Variants in PTPRM observed in about 807,000 individuals in gnomAD.
PTPRM encodes protein tyrosine phosphatase receptor type M, also known as receptor-type tyrosine-protein phosphatase mu.
PTPRM carries 47 observed loss-of-function variants against 186.7 expected under a neutral mutation model. The observed-to-expected ratio is 0.25, with a 90% CI of 0.20 to 0.32. The LOEUF (loss-of-function observed/expected upper bound fraction) is 0.32. Among genes scored for constraint, PTPRM ranks in the 10% least tolerant of loss-of-function variants. The probability of loss-of-function intolerance (pLI) is 1.00; values close to 1 mark genes in which losing one functional copy is unlikely to be tolerated. For synonymous variants in PTPRM, 668 were observed against 674.9 expected, an observed-to-expected ratio of 0.99 and a Z score of 0.16; for missense variants, 1,494 against 1,865.0, an observed-to-expected ratio of 0.80 and a Z score of 3.66.
chr18:8,242,755 G>A (rs2094443737), intron 14 of PTPRM, among the ~76,000 whole-genome samples: 1 of 152,202 alleles, frequency 6.6e-6, no homozygotes, highest in African/African-American at 2.4e-5. Flanking sequence ...TGGATTATGT[G>A]TCATTTAGAA....
chr18:8,371,202 A>G (rs2095660829), intron 24 of PTPRM, among the ~76,000 whole-genome samples, 196 bp downstream of exon 24: 1 of 152,128 alleles, frequency 6.6e-6, no homozygotes, highest in African/African-American at 2.4e-5. Context: ...AATCATTCTC[A>G]TTTCATAAGA....
At chr18:8,377,930 T>G (rs920616609) in intron 26 of PTPRM, 1 of 193,510 alleles carries the variant, frequency 5.2e-6, no homozygotes, top group Non-Finnish European at 1.0e-5. Flanking sequence ...ACTATTATTT[T>G]GACCAGCAAA....
At chr18:8,275,880 C>G (rs763927331) in intron 19 of PTPRM, among the ~76,000 whole-genome samples, 9 of 152,170 alleles carry the variant, frequency 5.9e-5, no homozygotes, top group Non-Finnish European at 8.8e-5. Flanking sequence ...TATTCACTTC[C>G]CTGTGCTTAG....
intron 14 of PTPRM, among the ~76,000 whole-genome samples, chr18:8,218,518 A>G (rs1449411336): frequency 2.0e-5 from 3 of 152,232 alleles, no homozygotes; most frequent in Non-Finnish European, 4.4e-5. Context: ...AGAGGCACTC[A>G]ATTAGTTTAT....
At chr18:8,243,948 G>C (rs1226117742) in intron 14 of PTPRM, 110 bp from the exon 15 acceptor site, 2 of 1,083,608 alleles carry the variant, frequency 1.8e-6, no homozygotes, top group Non-Finnish European at 2.6e-6. Flanking sequence ...ATCTCTGAAT[G>C]AATAGGATTA....
chr18:8,237,567 G>A lies in PTPRM; in HGVS notation c.2301-6491G>A, dbSNP rs537130997. On this transcript the variant is annotated intron_variant, in intron 14 of 32. Coordinates refer to ENST00000580170, the MANE Select transcript of PTPRM (RefSeq NM_001105244.2). ...GGGTTCAAGCGATTCTCCTGCCTCA[G>A]CCTTCTGAGTAGCTGAGATTACAAG... Among the ~76,000 whole-genome samples the A allele has an allele frequency of 5.3e-5, 8 of 149,754 alleles. No homozygotes were observed. The East Asian group carries it at 1.6e-3, about 30-fold the overall frequency.
At chr18:8,153,306 A>G (rs992432986) in intron 14 of PTPRM, among the ~76,000 whole-genome samples, 5 of 152,178 alleles carry the variant, frequency 3.3e-5, no homozygotes, top group Admixed American at 6.5e-5. Flanking sequence ...TAATCCTCCA[A>G]GGGTCTATTT....
At chr18:8,376,716 G>A in intron 26 of PTPRM, 119 bp downstream of exon 26, 2 of 1,252,126 alleles carry the variant, frequency 1.6e-6, no homozygotes, top group African/African-American at 1.5e-5. Context: ...TGATCTACCT[G>A]GCATTCCCTG....
rs60113332 is a variant in PTPRM at position 8,300,503 on chromosome 18, T to TAA, written c.2842+4062_2842+4063dup. On this transcript the variant is annotated intron_variant, in intron 20 of 32. Transcript: ENST00000580170. ...GAGTTTAGCAGATTCATTACTTCAT[T>TAA]AAAAAAAAAAAAAAATCAGCATGTT... Among the ~76,000 whole-genome samples the TAA allele has an allele frequency of 5.6e-3, 804 of 144,392 alleles. 7 individuals carry two copies. Among genetic ancestry groups the TAA allele is most frequent in the African/African-American group, 0.019 (764 of 39,900 alleles). 94.7% of individuals were successfully genotyped at this position (144,392 alleles called of 152,430 possible). A position where few individuals can be genotyped will look rare whatever the true frequency, so the allele number is the denominator to read the frequency against.
At chr18:7,867,127 C>G (rs952644031) in intron 2 of PTPRM, among the ~76,000 whole-genome samples, 3 of 152,328 alleles carry the variant, frequency 2.0e-5, no homozygotes, top group Admixed American at 6.5e-5. Context: ...ATACAGCACA[C>G]TGATGGGTCT....
chr18:8,009,219 T>C (rs569586020), intron 7 of PTPRM, among the ~76,000 whole-genome samples: 2 of 152,274 alleles, frequency 1.3e-5, no homozygotes, highest in South Asian at 4.1e-4. Flanking sequence ...GCCTGGTTTG[T>C]GAGGTGCTCA....
rs191967097 is a variant in PTPRM, at chr18:8,125,084, C to G, written c.2167+10257C>G. On this transcript the variant is annotated intron_variant, in intron 13 of 32. Coordinates refer to ENST00000580170, the MANE Select transcript of PTPRM (RefSeq NM_001105244.2). Reference sequence around the variant, plus strand: ...TCTGACCCCAGCACCTAGGACTGTGCCAGGCATGATAGCCACTCAGGAGGC... The same window carrying G: ...TCTGACCCCAGCACCTAGGACTGTGGCAGGCATGATAGCCACTCAGGAGGC... Among the ~76,000 whole-genome samples, 17 of 152,002 alleles carry G rather than the reference C, an allele frequency of 1.1e-4. No homozygotes were observed. In the East Asian group the frequency reaches 3.3e-3, roughly 30 times the overall value.
At chr18:8,327,072 C>A (rs2095381874) in intron 22 of PTPRM, among the ~76,000 whole-genome samples, 1 of 152,206 alleles carries the variant, frequency 6.6e-6, no homozygotes, top group African/African-American at 2.4e-5. Context: ...ATGAACTTTT[C>A]ATTTCTCACA....
intron 13 of PTPRM, among the ~76,000 whole-genome samples, chr18:8,118,811 A>AAATATATATATATATAT (rs372020679): frequency 7.8e-6 from 1 of 128,394 alleles, no homozygotes; most frequent in African/African-American, 2.9e-5. Context: ...AAAAAAAAAA[A>AAATATATATATATATAT]ATATATATAT....
Position 8,113,779 on chromosome 18 carries a change from G to C in PTPRM, c.2130+20G>C. On this transcript the variant is annotated intron_variant, in intron 12 of 32. Transcript: ENST00000580170. ...AATGGGGTAAGTTGTACAGATAACT[G>C]TTTACTTAGGCTATTTGGGGTTGTT... is the stretch of plus-strand genomic sequence containing the variant. 3 of 1,592,968 alleles carry C rather than the reference G, an allele frequency of 1.9e-6. No homozygotes were observed. The highest frequency in any genetic ancestry group is 2.6e-6 in the Non-Finnish European group (3 of 1,166,930).
intron 22 of PTPRM, among the ~76,000 whole-genome samples, chr18:8,323,711 C>T (rs2095359406): frequency 6.6e-6 from 1 of 152,056 alleles, no homozygotes; most frequent in Non-Finnish European, 1.5e-5. Flanking sequence ...CCTGTAGAGT[C>T]CAGGACTAGA....
intron 14 of PTPRM, among the ~76,000 whole-genome samples, chr18:8,166,925 C>T (rs1231892061): frequency 6.6e-6 from 1 of 152,180 alleles, no homozygotes; most frequent in Non-Finnish European, 1.5e-5. Context: ...ACCTGTTGAG[C>T]TGGAAAGAAA....
intron 2 of PTPRM, among the ~76,000 whole-genome samples, chr18:7,789,793 A>G (rs2043252334): frequency 6.6e-6 from 1 of 152,174 alleles, no homozygotes; most frequent in Non-Finnish European, 1.5e-5. Context: ...TAAAATGCCT[A>G]TATTTTGTTC....
At chr18:7,807,209 T>C (rs2044280310) in intron 2 of PTPRM, among the ~76,000 whole-genome samples, 1 of 152,238 alleles carries the variant, frequency 6.6e-6, no homozygotes, top group South Asian at 2.1e-4. Flanking sequence ...TTTCTTGTAG[T>C]GCTGATATAG....
Sources: gnomAD v4.1 joint callset for allele counts (sites outside exome capture counted in the v4.1 genomes callset) on GRCh38, gnomAD v4.1.1 for gene constraint, MANE v1.5 for transcripts, NCBI Gene and HGNC (gene_info 2026-07-23, HGNC 2026-07-21) for gene names.